The following MAD1L1 variants were observed in gnomAD, a reference collection of about 807,000 sequenced individuals.
MAD1L1 encodes mitotic spindle assembly checkpoint protein MAD1.
In MAD1L1, 95 loss-of-function variants were observed where a neutral mutation model predicts 96.9. The observed-to-expected ratio is 0.98, with a 90% CI of 0.83 to 1.16. MAD1L1 has a LOEUF of 1.16. MAD1L1 is among the 50% of genes most tolerant of loss of function. The pLI, the probability that MAD1L1 is intolerant of heterozygous loss-of-function variation, is 0.00. For missense variants in MAD1L1, 1,007 were observed against 954.4 expected, an observed-to-expected ratio of 1.06 and a Z score of -0.73; for synonymous variants, 473 against 396.6, an observed-to-expected ratio of 1.19 and a Z score of -2.29.
At chr7:2,014,767 G>C (rs1782460343) in intron 12 of MAD1L1, 125 bp from the exon 13 acceptor site, 1 of 1,113,404 alleles carries the variant, frequency 9.0e-7, no homozygotes, top group Admixed American at 3.0e-5. Flanking sequence ...ACCCAGGCCA[G>C]CACTCAGAGC....
intron 10 of MAD1L1, among the ~76,000 whole-genome samples, chr7:2,164,609 T>TGGGG (rs1790336087): frequency 1.5e-5 from 1 of 67,626 alleles, no homozygotes; most frequent in Non-Finnish European, 2.7e-5. Context: ...GGGGGGGGGT[T>TGGGG]GCGGGTGGTA....
At chr7:1,928,744 C>T (rs1384630771) in intron 17 of MAD1L1, among the ~76,000 whole-genome samples, 2 of 152,180 alleles carry the variant, frequency 1.3e-5, no homozygotes, top group Admixed American at 6.5e-5. Context: ...CCAGGTGGCA[C>T]GGGGTGGGGG....
intron 11 of MAD1L1, among the ~76,000 whole-genome samples, chr7:2,099,434 A>G (rs1786666081): frequency 6.6e-6 from 1 of 152,232 alleles, no homozygotes. Context: ...AGAGATAAGT[A>G]ATGTTTCTAA....
intron 10 of MAD1L1, among the ~76,000 whole-genome samples, chr7:2,203,518 T>C (rs995604104): frequency 4.6e-5 from 7 of 152,156 alleles, no homozygotes; most frequent in Non-Finnish European, 8.8e-5. Context: ...CTTTTAAGAA[T>C]TTACCCAACC....
chr7:1,975,580 T>C (rs1780599440), intron 15 of MAD1L1, among the ~76,000 whole-genome samples: 1 of 152,218 alleles, frequency 6.6e-6, no homozygotes, highest in South Asian at 2.1e-4. Flanking sequence ...TGAGGGGACT[T>C]AGAGCAGCGG....
intron 17 of MAD1L1, among the ~76,000 whole-genome samples, chr7:1,907,940 C>T (rs1297073820): frequency 1.6e-4 from 24 of 152,244 alleles, no homozygotes; most frequent in Admixed American, 1.5e-3. Context: ...CGCCCTGGCC[C>T]CTGCAGTGTG....
chr7:1,977,552 G>C (rs572743632), intron 15 of MAD1L1, among the ~76,000 whole-genome samples: 1 of 152,388 alleles, frequency 6.6e-6, no homozygotes, highest in African/African-American at 2.4e-5. Flanking sequence ...GGCCAGCCCA[G>C]AGAGGGGCTC....
intron 10 of MAD1L1, among the ~76,000 whole-genome samples, chr7:2,207,263 CCT>C (rs1185425005): frequency 6.6e-6 from 1 of 152,070 alleles, no homozygotes; most frequent in Admixed American, 6.6e-5. Context: ...CTTTCTGTTC[CCT>C]GACATACATG....
intron 11 of MAD1L1, among the ~76,000 whole-genome samples, chr7:2,136,316 G>A (rs1452259068): frequency 6.6e-6 from 1 of 152,174 alleles, no homozygotes; most frequent in Non-Finnish European, 1.5e-5. Flanking sequence ...CCAGCCCTGA[G>A]CTCACAAGCA....
intron 18 of MAD1L1, chr7:1,874,547 T>TA (rs748792228): frequency 0.035 from 10,754 of 305,908 alleles, 1 homozygote; most frequent in South Asian, 0.055. Context: ...GCGGCTTCCT[T>TA]AAAAAAAAAA....
chr7:2,229,558 T>C (rs918973766), intron 3 of MAD1L1, among the ~76,000 whole-genome samples: 1 of 152,282 alleles, frequency 6.6e-6, no homozygotes, highest in African/African-American at 2.4e-5. Context: ...TTCTGCTCAC[T>C]GCTGTGGCTT....
Position 1,822,595 on chromosome 7 carries a change from A to AT in MAD1L1, c.1999-6368dup, listed in dbSNP as rs891735842. On this transcript the variant is annotated intron_variant, in intron 18 of 18. Coordinates refer to ENST00000265854, the MANE Select transcript of MAD1L1 (RefSeq NM_001013836.2). ...GGTGCGCACCACCACTCATGGCTGTATTTTTTTCATAGAGATGGGGTCTCC... is the reference window on the plus strand; with the variant it reads ...GGTGCGCACCACCACTCATGGCTGTATTTTTTTTCATAGAGATGGGGTCTCC... Among the ~76,000 whole-genome samples, 177 of 151,386 alleles carry AT rather than the reference A, an allele frequency of 1.2e-3. 2 individuals carry two copies. Among genetic ancestry groups the AT allele is most frequent in the Non-Finnish European group, 2.1e-3 (140 of 67,836 alleles).
At chr7:2,043,561 C>T (rs888802438) in intron 12 of MAD1L1, among the ~76,000 whole-genome samples, 10 of 152,226 alleles carry the variant, frequency 6.6e-5, no homozygotes, top group African/African-American at 2.4e-4. Flanking sequence ...TGCCCGGGTA[C>T]CGTGCCTACA....
intron 18 of MAD1L1, among the ~76,000 whole-genome samples, chr7:1,818,607 TCCTGG>T (rs1781953779): frequency 1.2e-5 from 1 of 83,790 alleles, no homozygotes; most frequent in Non-Finnish European, 2.5e-5. Flanking sequence ...GGTCTCAAAC[TCCTGG>T]CCTGGCTGGT....
chr7:1,891,132 G>A (rs866770015), intron 18 of MAD1L1, among the ~76,000 whole-genome samples: 6 of 152,176 alleles, frequency 3.9e-5, no homozygotes, highest in African/African-American at 1.4e-4. Flanking sequence ...AAGGACGAGG[G>A]GTGCGGGGCT....
At chr7:1,820,284 G>T (rs1782056251) in intron 18 of MAD1L1, among the ~76,000 whole-genome samples, 1 of 152,154 alleles carries the variant, frequency 6.6e-6, no homozygotes, top group African/African-American at 2.4e-5. Flanking sequence ...CCAAGGCAGT[G>T]CTTAGAGGGA....
At chr7:1,914,677 G>A (rs1249599286) in intron 17 of MAD1L1, among the ~76,000 whole-genome samples, 6 of 152,302 alleles carry the variant, frequency 3.9e-5, no homozygotes, top group Middle Eastern at 6.8e-3. Flanking sequence ...ACAGGGGTGC[G>A]ATCACAGCTC....
At chr7:1,875,215 G>A (rs1006949505) in intron 18 of MAD1L1, among the ~76,000 whole-genome samples, 30 of 152,326 alleles carry the variant, frequency 2.0e-4, no homozygotes, top group African/African-American at 6.5e-4. Flanking sequence ...GGGCCCTGCT[G>A]CTGCCCTGCC....
intron 18 of MAD1L1, chr7:1,844,344 CTGGACAGGT>C (rs1255871595): frequency 6.6e-6 from 1 of 152,658 alleles, no homozygotes; most frequent in Non-Finnish European, 1.5e-5. Flanking sequence ...GCTGCTGCTG[CTGGACAGGT>C]AGGGGCCCAG....
Sources: allele counts gnomAD v4.1 joint callset (sites outside exome capture counted in the v4.1 genomes callset), GRCh38; gene constraint gnomAD v4.1.1; transcripts MANE v1.5; gene names NCBI Gene and HGNC (gene_info 2026-07-23, HGNC 2026-07-21).